The following FOXJ3 variants were observed in gnomAD, a reference collection of about 807,000 sequenced individuals.
FOXJ3 encodes forkhead box J3.
In FOXJ3, 22 loss-of-function variants were observed where a neutral mutation model predicts 76.1. The ratio of observed to expected loss-of-function variants is 0.29; its 90% confidence interval spans 0.21 to 0.41. The LOEUF (loss-of-function observed/expected upper bound fraction) is 0.41. Ranked by LOEUF, FOXJ3 falls within the 10% of genes least tolerant of loss-of-function variation. The pLI, the probability that FOXJ3 is intolerant of heterozygous loss-of-function variation, is 1.00. For synonymous variants in FOXJ3, 269 were observed against 261.2 expected, an observed-to-expected ratio of 1.03 and a Z score of -0.29; for missense variants, 613 against 762.1, an observed-to-expected ratio of 0.80 and a Z score of 2.30.
intron 2 of FOXJ3, among the ~76,000 whole-genome samples, chr1:42,310,022 G>A (rs1654707607): frequency 6.6e-6 from 1 of 152,144 alleles, no homozygotes; most frequent in Admixed American, 6.5e-5. Flanking sequence ...GAGAAATCTA[G>A]ATATTATGTT....
At chr1:42,238,311 G>C (rs1038414707) in intron 4 of FOXJ3, among the ~76,000 whole-genome samples, 3 of 151,478 alleles carry the variant, frequency 2.0e-5, no homozygotes, top group Non-Finnish European at 4.4e-5. Context: ...TGTGATTATG[G>C]CATGGCCACC....
chr1:42,303,577 T>C (rs1654286015), intron 2 of FOXJ3, among the ~76,000 whole-genome samples: 1 of 152,210 alleles, frequency 6.6e-6, no homozygotes, highest in Non-Finnish European at 1.5e-5. Context: ...ATCTGGGGCA[T>C]TCAACTATTT....
chr1:42,281,057 G>A (rs1652673164), intron 2 of FOXJ3, among the ~76,000 whole-genome samples: 1 of 152,086 alleles, frequency 6.6e-6, no homozygotes, highest in South Asian at 2.1e-4. Flanking sequence ...GCTCCCTACT[G>A]AGAACCATCT....
intron 1 of FOXJ3, among the ~76,000 whole-genome samples, chr1:42,334,389 C>T (rs1471732117): frequency 6.6e-6 from 1 of 152,172 alleles, no homozygotes; most frequent in Non-Finnish European, 1.5e-5. Context: ...GTTAACCTCC[C>T]TCCTCACCAG....
At chr1:42,299,478 T>C (rs1312219047) in intron 2 of FOXJ3, among the ~76,000 whole-genome samples, 1 of 151,894 alleles carries the variant, frequency 6.6e-6, no homozygotes, top group Non-Finnish European at 1.5e-5. Context: ...CCTCTTTGAG[T>C]CTGTAACTGT....
At chr1:42,226,022 A>G (rs940620790) in intron 5 of FOXJ3, among the ~76,000 whole-genome samples, 2 of 152,232 alleles carry the variant, frequency 1.3e-5, no homozygotes, top group African/African-American at 4.8e-5. Context: ...CAAATAGAGA[A>G]GAACGCAATT....
chr1:42,332,081 G>A (rs1462510930), intron 1 of FOXJ3, among the ~76,000 whole-genome samples: 2 of 151,998 alleles, frequency 1.3e-5, no homozygotes, highest in Non-Finnish European at 2.9e-5. Flanking sequence ...CACTGTTTCT[G>A]AACTTCTACA....
At chr1:42,226,320 G>A (rs1242767262) in intron 5 of FOXJ3, among the ~76,000 whole-genome samples, 7 of 152,152 alleles carry the variant, frequency 4.6e-5, no homozygotes, top group Non-Finnish European at 8.8e-5. Context: ...TTGTAAAATT[G>A]TCTAGCTCTG....
chr1:42,272,995 T>C (rs1400867398), intron 3 of FOXJ3, among the ~76,000 whole-genome samples: 1 of 152,226 alleles, frequency 6.6e-6, no homozygotes, highest in Non-Finnish European at 1.5e-5. Context: ...TCAATGGTTA[T>C]CTAATGATTC....
At position 42,235,459 on chromosome 1, in the gene FOXJ3, T is replaced by C. The variant is rs566611824; in HGVS notation, c.445-7493A>G. Among the ~76,000 whole-genome samples the C allele has an allele frequency of 3.9e-5, 6 of 152,336 alleles. No homozygotes were observed. The South Asian group carries it at 1.0e-3, about 26-fold the overall frequency. On this transcript the variant is annotated intron_variant, in intron 4 of 12. Transcript: ENST00000361346. The stretch of plus-strand genomic sequence containing the variant: ...CAGTGAGATGAACCCAGTACCTCAG[T>C]TGGAAATGCAGAAATCACCCATCTT...
At chr1:42,188,086 A>G (rs911256516) in intron 11 of FOXJ3, among the ~76,000 whole-genome samples, 1 of 152,204 alleles carries the variant, frequency 6.6e-6, no homozygotes, top group African/African-American at 2.4e-5. Context: ...ATGTAAAATC[A>G]ATATAACATA....
chr1:42,237,476 G>GTATATA (rs147120265), intron 4 of FOXJ3, among the ~76,000 whole-genome samples: 19 of 133,562 alleles, frequency 1.4e-4, no homozygotes, highest in African/African-American at 5.2e-4. Context: ...ACATATATAT[G>GTATATA]TATATATATA....
chr1:42,294,452 C>T (rs1034971119), intron 2 of FOXJ3, among the ~76,000 whole-genome samples: 52 of 152,240 alleles, frequency 3.4e-4, no homozygotes, highest in African/African-American at 1.2e-3. Flanking sequence ...GGCTGCTCTC[C>T]TGAATAAAGA....
intron 4 of FOXJ3, among the ~76,000 whole-genome samples, chr1:42,228,349 A>G (rs756716370): frequency 1.2e-4 from 19 of 152,160 alleles, no homozygotes; most frequent in Non-Finnish European, 2.1e-4. Flanking sequence ...ACAAATCTAC[A>G]TGGTTAGTGA....
rs1261133034 is a variant in FOXJ3 at position 42,177,434 on chromosome 1, A to G, written c.*2276T>C. ...GTGCACATTGCTACCCAAGCAATTA[A>G]AACAGTTTCAAAACAGCTATTTTGG... On this transcript the variant is annotated 3_prime_UTR_variant, in exon 13 of 13. Transcript: ENST00000361346. 6.6e-6 allele frequency: 1 copy of G among 152,634 alleles called. No homozygotes were observed. Among genetic ancestry groups the G allele is most frequent in the African/African-American group, 2.4e-5 (1 of 41,456 alleles). 9.5% of individuals were successfully genotyped at this position (152,634 alleles called of 1,614,324 possible). A position where few individuals can be genotyped will look rare whatever the true frequency, so the allele number is the denominator to read the frequency against.
chr1:42,248,572 A>C (rs1390268612), intron 4 of FOXJ3, among the ~76,000 whole-genome samples: 2 of 151,298 alleles, frequency 1.3e-5, no homozygotes, highest in East Asian at 1.9e-4. Context: ...TATGGTATGT[A>C]AATTTTTTCT....
intron 1 of FOXJ3, among the ~76,000 whole-genome samples, chr1:42,326,409 A>T (rs569309695): frequency 1.3e-3 from 202 of 152,336 alleles, no homozygotes; most frequent in Non-Finnish European, 2.4e-3. Context: ...ATTACCCATT[A>T]TGATGCATTC....
At position 42,178,283 on chromosome 1, in the gene FOXJ3, G is replaced by A. The variant is rs913850082; in HGVS notation, c.*1427C>T. 1 of 152,186 alleles carries A rather than the reference G, an allele frequency of 6.6e-6. No individual in the cohort carries two copies. Among genetic ancestry groups the A allele is most frequent in the African/African-American group, 2.4e-5 (1 of 41,430 alleles). 9.4% of individuals were successfully genotyped at this position (152,186 alleles called of 1,614,324 possible). A position where few individuals can be genotyped will look rare whatever the true frequency, so the allele number is the denominator to read the frequency against. ...ATCCTCCTTTCAAGACAACCTAGAT[G>A]AGTGGGGAAACCTGCTTTAGAAACC... On this transcript the variant is annotated 3_prime_UTR_variant, in exon 13 of 13. Coordinates refer to ENST00000361346, the MANE Select transcript of FOXJ3 (RefSeq NM_014947.5).
rs539920365 is a variant in FOXJ3 at position 42,247,679 on chromosome 1, G to A, written c.444+17436C>T. Among the ~76,000 whole-genome samples the A allele has an allele frequency of 6.6e-5, 10 of 152,284 alleles. No homozygotes were observed. The East Asian group carries it at 1.7e-3, about 26-fold the overall frequency. ...TGAAAAACTGCAACCTCAAAACTGTGCGAATGTAAACGGTAAAGCTGGCTG... is the reference window on the plus strand; with the variant it reads ...TGAAAAACTGCAACCTCAAAACTGTACGAATGTAAACGGTAAAGCTGGCTG... On this transcript the variant is annotated intron_variant, in intron 4 of 12. Transcript: ENST00000361346.
Sources: gnomAD v4.1 joint callset for allele counts (sites outside exome capture counted in the v4.1 genomes callset) on GRCh38, gnomAD v4.1.1 for gene constraint, MANE v1.5 for transcripts, NCBI Gene and HGNC (gene_info 2026-07-23, HGNC 2026-07-21) for gene names.